LMX1B: variants seen among roughly 807,000 people sequenced by gnomAD.
The protein encoded by LMX1B is LIM homeobox transcription factor 1-beta.
In LMX1B, 12 loss-of-function variants were observed where a neutral mutation model predicts 51.4. The observed-to-expected ratio is 0.23, with a 90% CI of 0.15 to 0.38. LMX1B has a LOEUF of 0.38. LMX1B is among the 10% of genes least tolerant of loss of function. The pLI, the probability that LMX1B is intolerant of heterozygous loss-of-function variation, is 1.00. For missense variants in LMX1B, 445 were observed against 571.1 expected, an observed-to-expected ratio of 0.78 and a Z score of 2.25; for synonymous variants, 237 against 235.4, an observed-to-expected ratio of 1.01 and a Z score of -0.06.
In LMX1B at chr9:126,673,371, A is replaced by G. The variant is rs1457688743; in HGVS notation, c.327-17465A>G. Among the ~76,000 whole-genome samples the G allele has an allele frequency of 6.6e-6, 1 of 152,074 alleles. No individual in the cohort carries two copies. The highest frequency in any genetic ancestry group is 1.9e-4 in the East Asian group (1 of 5,176). Reference sequence around the variant, plus strand: ...GGGCGTCTGACACACCAGGCCCCACAAACAACTCCGCACCAGGGAGCTGGG... The same window carrying G: ...GGGCGTCTGACACACCAGGCCCCACGAACAACTCCGCACCAGGGAGCTGGG... On this transcript the variant is annotated intron_variant, in intron 2 of 7. Coordinates refer to ENST00000373474, the MANE Select transcript of LMX1B (RefSeq NM_001174147.2). This position sits in a 1 kb window ranked among gnomAD's most constrained non-coding sequence, Gnocchi z 4.4.
Position 126,696,527 on chromosome 9 carries a change from C to G in LMX1B, c.*76C>G, listed in dbSNP as rs1223814467. On this transcript the variant is annotated 3_prime_UTR_variant, in exon 8 of 8. Coordinates refer to ENST00000373474, the MANE Select transcript of LMX1B (RefSeq NM_001174147.2). The stretch of plus-strand genomic sequence containing the variant: ...AGCCTCTGCGGCCAGCCTGGCCACC[C>G]CCGCCCTGCTCTCCGCACAGACTAC... 1.3e-6 allele frequency: 2 copies of G among 1,539,762 alleles called. No individual in the cohort carries two copies. Among genetic ancestry groups the G allele is most frequent in the South Asian group, 1.1e-5 (1 of 89,282 alleles).
chr9:126,669,452 A>G (rs1447110082), intron 2 of LMX1B, among the ~76,000 whole-genome samples: 1 of 152,044 alleles, frequency 6.6e-6, no homozygotes, highest in East Asian at 1.9e-4. Context: ...GTGTATTTGT[A>G]TGAGCGCATG....
chr9:126,615,516 C>T lies in LMX1B; in HGVS notation c.273C>T (p.Thr91=), dbSNP rs1835286451. 6.2e-7 allele frequency: 1 copy of T among 1,611,856 alleles called. No homozygotes were observed. Among genetic ancestry groups the T allele is most frequent in the Non-Finnish European group, 8.5e-7 (1 of 1,178,838 alleles). The change falls in exon 2 of 8, where the codon ACC becomes ACT. Residue 91 remains threonine (T), a synonymous_variant. Coordinates refer to ENST00000373474, the MANE Select transcript of LMX1B (RefSeq NM_001174147.2). This position sits in a 1 kb window ranked among gnomAD's most constrained non-coding sequence, Gnocchi z 6.0. The part of the protein sequence containing the change: ...LQCAACQQAL[T]TSCYFRDRKL... ...GCGCGGCGTGTCAGCAAGCCCTCAC[C>T]ACCAGCTGCTACTTCCGGGATCGGA...
chr9:126,621,845 T>C (rs1018895579), intron 2 of LMX1B, among the ~76,000 whole-genome samples: 2 of 152,254 alleles, frequency 1.3e-5, no homozygotes, highest in Admixed American at 6.5e-5. Flanking sequence ...TTGCTTTAAC[T>C]ACTGCTGCGG....
At chr9:126,662,221 G>A (rs1223946338) in intron 2 of LMX1B, among the ~76,000 whole-genome samples, 1 of 152,192 alleles carries the variant, frequency 6.6e-6, no homozygotes, top group African/African-American at 2.4e-5. Flanking sequence ...GGTTAATATG[G>A]TGCCTTGTAC....
chr9:126,696,018 C>T lies in LMX1B; in HGVS notation c.1051+15C>T. On this transcript the variant is annotated intron_variant, in intron 7 of 7. Transcript: ENST00000373474. ...GAACCCCTATGGTAAGCCGCCCTAC[C>T]CCCACCCGCCCGCCCCAGCACAGCC... 7.2e-7 allele frequency: 1 copy of T among 1,388,538 alleles called. No individual in the cohort carries two copies. Among genetic ancestry groups the T allele is most frequent in the Non-Finnish European group, 9.6e-7 (1 of 1,044,326 alleles). The allele number at this position is 1,388,538 out of a possible 1,614,324, so 86.0% of individuals were successfully genotyped here. A position where few individuals can be genotyped will look rare whatever the true frequency, so the allele number is the denominator to read the frequency against.
At chr9:126,693,681 G>A in intron 5 of LMX1B, 65 bp from the exon 6 acceptor site, 1 of 1,594,876 alleles carries the variant, frequency 6.3e-7, no homozygotes. Flanking sequence ...CGGTCCAGGG[G>A]GCGTGGGGCT....
At chr9:126,661,652 G>A (rs1279453850) in intron 2 of LMX1B, among the ~76,000 whole-genome samples, 3 of 152,144 alleles carry the variant, frequency 2.0e-5, no homozygotes, top group African/African-American at 7.2e-5. Context: ...GTGGAGCCCT[G>A]TGGGGCCCCG....
intron 2 of LMX1B, among the ~76,000 whole-genome samples, chr9:126,670,391 C>T (rs759181337): frequency 2.6e-5 from 4 of 152,356 alleles, no homozygotes; most frequent in Middle Eastern, 3.4e-3. Context: ...TGTACGTACG[C>T]ATCCTTGGTG....
At chr9:126,648,894 G>C (rs1422077182) in intron 2 of LMX1B, among the ~76,000 whole-genome samples, 1 of 152,142 alleles carries the variant, frequency 6.6e-6, no homozygotes, top group African/African-American at 2.4e-5. Context: ...AACTCCCAGA[G>C]GCAGAGCTCC....
chr9:126,694,291 G>T (rs1299925491), intron 6 of LMX1B, among the ~76,000 whole-genome samples: 1 of 152,150 alleles, frequency 6.6e-6, no homozygotes, highest in Non-Finnish European at 1.5e-5. Flanking sequence ...AGGAAACTGA[G>T]GGACTGCCTG....
Position 126,625,108 on chromosome 9 carries a change from T to C in LMX1B, c.326+9539T>C, listed in dbSNP as rs1378195878. ...ACGGAAACTTGCCATCCTAATCCCC[T>C]TATTCATGTCAAGCACAGAAAAGAA... is the stretch of plus-strand genomic sequence containing the variant. On this transcript the variant is annotated intron_variant, in intron 2 of 7. Transcript: ENST00000373474. This position sits in a 1 kb window ranked among gnomAD's most constrained non-coding sequence, Gnocchi z 5.3. Among the ~76,000 whole-genome samples the C allele has an allele frequency of 6.6e-6, 1 of 152,188 alleles. No individual in the cohort carries two copies. The highest frequency in any genetic ancestry group is 2.4e-5 in the African/African-American group (1 of 41,444).
chr9:126,618,006 C>G lies in LMX1B; in HGVS notation c.326+2437C>G, dbSNP rs1789403836. Among the ~76,000 whole-genome samples, 1 of 152,158 alleles carries G rather than the reference C, an allele frequency of 6.6e-6. No individual in the cohort carries two copies. The highest frequency in any genetic ancestry group is 1.5e-5 in the Non-Finnish European group (1 of 68,028). ...CGCCGCTCCAGGCAGGCAGCAGCCA[C>G]TGGAAAGGGATGTTCTTTGCACAAT... On this transcript the variant is annotated intron_variant, in intron 2 of 7. Coordinates refer to ENST00000373474, the MANE Select transcript of LMX1B (RefSeq NM_001174147.2). The surrounding 1 kb of genome is among the most constrained non-coding windows in gnomAD (Gnocchi z 4.5).
chr9:126,619,558 C>G (rs1835370922), intron 2 of LMX1B, among the ~76,000 whole-genome samples: 2 of 152,210 alleles, frequency 1.3e-5, no homozygotes, highest in Admixed American at 6.5e-5. Context: ...AAAAAGGCTT[C>G]TATGGTGCTG....
intron 2 of LMX1B, among the ~76,000 whole-genome samples, chr9:126,637,928 G>A (rs1313843082): frequency 6.6e-6 from 1 of 150,756 alleles, no homozygotes; most frequent in Non-Finnish European, 1.5e-5. Flanking sequence ...GGGCCAAAGG[G>A]ATGGACACCC....
intron 2 of LMX1B, among the ~76,000 whole-genome samples, chr9:126,635,309 G>A (rs1216834417): frequency 2.0e-5 from 3 of 152,242 alleles, no homozygotes; most frequent in Non-Finnish European, 2.9e-5. Context: ...CAAAGGCAAG[G>A]GAGGTAGACG....
chr9:126,679,597 T>TG (rs201820515), intron 2 of LMX1B, among the ~76,000 whole-genome samples: 2,245 of 151,958 alleles, frequency 0.015, 69 homozygotes, highest in African/African-American at 0.052. Context: ...GGTGGATAAA[T>TG]GGATGATTTT....
At chr9:126,650,354 G>C (rs986719388) in intron 2 of LMX1B, among the ~76,000 whole-genome samples, 38 of 152,206 alleles carry the variant, frequency 2.5e-4, no homozygotes, top group Non-Finnish European at 2.1e-4. Flanking sequence ...GGGAAGCCGA[G>C]ACCAGAGCTG....
At chr9:126,639,675 G>A (rs1835774035) in intron 2 of LMX1B, among the ~76,000 whole-genome samples, 1 of 152,204 alleles carries the variant, frequency 6.6e-6, no homozygotes, top group Non-Finnish European at 1.5e-5. Context: ...GGCCCTGCCT[G>A]TGCAAGCTGT....
Sources: allele counts gnomAD v4.1 joint callset (sites outside exome capture counted in the v4.1 genomes callset), GRCh38; gene constraint gnomAD v4.1.1; non-coding constraint Gnocchi (gnomAD v3.1); transcripts MANE v1.5; gene names NCBI Gene and HGNC (gene_info 2026-07-23, HGNC 2026-07-21).